The following FEZ1 variants were observed in gnomAD, a reference collection of about 807,000 sequenced individuals.
FEZ1 encodes fasciculation and elongation protein zeta 1.
FEZ1 carries 20 observed loss-of-function variants against 49.3 expected under a neutral mutation model. That is an observed-to-expected ratio of 0.41 (90% confidence interval 0.29 to 0.59). FEZ1 has a LOEUF of 0.59. Ranked by LOEUF, FEZ1 falls within the 20% of genes least tolerant of loss-of-function variation. The pLI, the probability that FEZ1 is intolerant of heterozygous loss-of-function variation, is 0.36. For missense variants in FEZ1, 413 were observed against 476.0 expected (o/e 0.87, Z 1.23); for synonymous variants, 170 against 180.9 (o/e 0.94, Z 0.48).
At chr11:125,458,283 A>C (rs1957039201) in intron 5 of FEZ1, among the ~76,000 whole-genome samples, 1 of 152,288 alleles carries the variant, frequency 6.6e-6, no homozygotes, top group Admixed American at 6.5e-5. Flanking sequence ...TGGGTGGATC[A>C]ACTCCTAGGA....
chr11:125,448,955 C>A (rs1175325819), intron 8 of FEZ1, among the ~76,000 whole-genome samples: 1 of 152,048 alleles, frequency 6.6e-6, no homozygotes, highest in Admixed American at 6.6e-5. Context: ...AATATGCCCC[C>A]GTAACAAACC....
intron 9 of FEZ1, among the ~76,000 whole-genome samples, chr11:125,448,137 G>T (rs1956914757): frequency 6.6e-6 from 1 of 152,176 alleles, no homozygotes; most frequent in African/African-American, 2.4e-5. Context: ...TTATGAAAGG[G>T]TGTAGTCAAT....
At chr11:125,482,974 T>TAAAAAAAAAAAAAAAAAAAA (rs56169482) in intron 2 of FEZ1, among the ~76,000 whole-genome samples, 2 of 28,758 alleles carry the variant, frequency 7.0e-5, no homozygotes, top group Non-Finnish European at 5.8e-5. Flanking sequence ...CAAGACACTG[T>TAAAAAAAAAAAAAAAAAAAA]AAAAAAAAAA....
In FEZ1 at chr11:125,456,007, C is replaced by A. The variant is rs199780980; in HGVS notation, c.767G>T (p.Arg256Leu). Residue 256 changes from arginine (R) to leucine (L), a missense_variant, in exon 6 of 10, where the codon CGC becomes CTC. Transcript: ENST00000278919. ...FSEELVQQLA[R>L]RDELEFEKEV... ...CTTCTCAAACTCCAGCTCGTCCCGG[C>A]GGGCCAGCTGCTGCACCAGCTCCTC... is the stretch of plus-strand genomic sequence containing the variant. 1 of 1,613,328 alleles carries A rather than the reference C, an allele frequency of 6.2e-7. No homozygotes were observed. Among genetic ancestry groups the A allele is most frequent in the South Asian group, 1.1e-5 (1 of 91,048 alleles).
At chr11:125,454,045 G>T in intron 7 of FEZ1, 85 bp downstream of exon 7, 1 of 798,918 alleles carries the variant, frequency 1.3e-6, no homozygotes, top group Non-Finnish European at 2.0e-6. Context: ...GATAATTCTG[G>T]TGAGTCACTG....
intron 1 of FEZ1, among the ~76,000 whole-genome samples, chr11:125,491,800 C>T (rs1384807179): frequency 2.6e-5 from 4 of 152,178 alleles, no homozygotes; most frequent in Non-Finnish European, 5.9e-5. Context: ...ATATTTGGAG[C>T]ATTTACAGTT....
At chr11:125,462,124 AT>A (rs1957081258) in intron 4 of FEZ1, among the ~76,000 whole-genome samples, 1 of 152,192 alleles carries the variant, frequency 6.6e-6, no homozygotes, top group Non-Finnish European at 1.5e-5. Context: ...CCACCTTTCT[AT>A]CACAGATATG....
At chr11:125,467,701 A>C (rs1383248508) in intron 3 of FEZ1, among the ~76,000 whole-genome samples, 1 of 152,140 alleles carries the variant, frequency 6.6e-6, no homozygotes, top group Non-Finnish European at 1.5e-5. Context: ...TTAGCCAGGC[A>C]TGGTGGTGCA....
At chr11:125,477,157 CA>C (rs1957239905) in intron 3 of FEZ1, among the ~76,000 whole-genome samples, 1 of 152,032 alleles carries the variant, frequency 6.6e-6, no homozygotes, top group African/African-American at 2.4e-5. Context: ...TGATTTTTAA[CA>C]TTTTAAAGAT....
chr11:125,450,130 C>T lies in FEZ1; in HGVS notation c.1097-1563G>A, dbSNP rs1021588652. 5.3e-5 allele frequency among the ~76,000 whole-genome samples: 8 copies of T among 151,588 alleles called. No individual in the cohort carries two copies. The South Asian group carries it at 6.2e-4, about 12-fold the overall frequency. On this transcript the variant is annotated intron_variant, in intron 8 of 9. Transcript: ENST00000278919. ...GCAACCTCCGCCTCCCGGGTTCAAG[C>T]GATTCTCCTGCCTCAGCCTCCCAAG...
intron 4 of FEZ1, among the ~76,000 whole-genome samples, chr11:125,462,470 G>A (rs1957085212): frequency 6.6e-6 from 1 of 152,186 alleles, no homozygotes; most frequent in African/African-American, 2.4e-5. Context: ...AGCCTCATCT[G>A]TCACTTCTCT....
Position 125,463,706 on chromosome 11 carries a change from T to C in FEZ1, c.412-136A>G, listed in dbSNP as rs1189441689. On this transcript the variant is annotated intron_variant, in intron 3 of 9. Transcript: ENST00000278919. ...TGTCTAAACAGTGGAGCTGAAGAGG[T>C]GTCCAGAGTTTCATCCAATTCCAAA... 1.6e-5 allele frequency: 10 copies of C among 637,296 alleles called. No individual in the cohort carries two copies. The East Asian group carries it at 2.4e-4, about 15-fold the overall frequency. 39.5% of individuals were successfully genotyped at this position (637,296 alleles called of 1,614,324 possible).
chr11:125,494,964 C>G (rs902296973), intron 1 of FEZ1, among the ~76,000 whole-genome samples: 8 of 152,194 alleles, frequency 5.3e-5, no homozygotes, highest in African/African-American at 1.9e-4. Flanking sequence ...TGCCTCGTCC[C>G]CCATATCCGT....
chr11:125,483,390 A>G (rs1357799775), intron 2 of FEZ1, among the ~76,000 whole-genome samples: 2 of 152,214 alleles, frequency 1.3e-5, no homozygotes, highest in African/African-American at 4.8e-5. Flanking sequence ...CATTACAAGA[A>G]AACACTTTGA....
chr11:125,473,642 A>T (rs2135766814), intron 3 of FEZ1, among the ~76,000 whole-genome samples: 1 of 152,272 alleles, frequency 6.6e-6, no homozygotes, highest in South Asian at 2.1e-4. Context: ...AAAATAGTAG[A>T]ACTCTGCCTC....
In FEZ1 at chr11:125,489,193, A is replaced by G; in HGVS notation, c.311+274T>C. On this transcript the variant is annotated intron_variant, in intron 2 of 9. Transcript: ENST00000278919. The surrounding 1 kb of genome is among the most constrained non-coding windows in gnomAD (Gnocchi z 4.2). ...GATATAAAGAAAGCTTAAGATAGAC[A>G]GACCCTGAAATTTACTGTGCTCCTG... The G allele has an allele frequency of 1.8e-6, 2 of 1,111,790 alleles. No homozygotes were observed. The highest frequency in any genetic ancestry group is 2.2e-6 in the Non-Finnish European group (2 of 912,920). The allele number at this position is 1,111,790 out of a possible 1,614,324, so 68.9% of individuals were successfully genotyped here. A position where few individuals can be genotyped will look rare whatever the true frequency, so the allele number is the denominator to read the frequency against.
Position 125,491,915 on chromosome 11 carries a change from G to A in FEZ1, c.-45-2093C>T, listed in dbSNP as rs189515445. Among the ~76,000 whole-genome samples, 369 of 152,314 alleles carry A rather than the reference G, an allele frequency of 2.4e-3. 2 individuals carry two copies. The highest frequency in any genetic ancestry group is 0.015 in the South Asian group (70 of 4,822). ...AGAGCCAACAGATCTGCCAATGGCT[G>A]GCTGAGTGACAAGCATCATTGGTCC... On this transcript the variant is annotated intron_variant, in intron 1 of 9. Coordinates refer to ENST00000278919, the MANE Select transcript of FEZ1 (RefSeq NM_005103.5).
chr11:125,482,974 TAAAAAAAAAAAAAAA>T (rs56169482), intron 2 of FEZ1, among the ~76,000 whole-genome samples: 1 of 28,740 alleles, frequency 3.5e-5, no homozygotes, highest in Non-Finnish European at 5.8e-5. Context: ...CAAGACACTG[TAAAAAAAAAAAAAAA>T]AAAAAAAAAA....
chr11:125,488,788 A>G (rs1018385955), intron 2 of FEZ1: 17 of 985,302 alleles, frequency 1.7e-5, no homozygotes, highest in African/African-American at 1.2e-4. Flanking sequence ...TTTGTGTAAC[A>G]TATCACCCCC....
Sources: allele counts gnomAD v4.1 joint callset (sites outside exome capture counted in the v4.1 genomes callset), GRCh38; gene constraint gnomAD v4.1.1; non-coding constraint Gnocchi (gnomAD v3.1); transcripts MANE v1.5; gene names NCBI Gene and HGNC (gene_info 2026-07-23, HGNC 2026-07-21).